Variants in EYS observed in about 807,000 individuals in gnomAD.
The protein encoded by EYS is EGF-like photoreceptor maintenance factor.
In EYS, 250 loss-of-function variants were observed where a neutral mutation model predicts 282.1. The observed-to-expected ratio is 0.89, with a 90% confidence interval of 0.80 to 0.98. EYS has a LOEUF of 0.98. Ranked by LOEUF, EYS falls within the 50% of genes least tolerant of loss-of-function variation. EYS has a pLI of 0.00. For missense variants in EYS, 4,016 were observed against 3,709.0 expected (o/e 1.08, Z -2.15); for synonymous variants, 1,355 against 1,282.9 (o/e 1.06, Z -1.20).
intron 12 of EYS, among the ~76,000 whole-genome samples, chr6:65,241,436 C>T (rs1246775073): frequency 6.6e-6 from 1 of 152,088 alleles, no homozygotes; most frequent in Admixed American, 6.5e-5. Context: ...AGTTTATAAA[C>T]ATTTCAGAGC....
At chr6:64,424,124 A>G (rs1306343748) in intron 28 of EYS, among the ~76,000 whole-genome samples, 1 of 152,218 alleles carries the variant, frequency 6.6e-6, no homozygotes, top group African/African-American at 2.4e-5. Flanking sequence ...TATGATATAA[A>G]GTTTGACTCA....
chr6:64,975,969 TAGAG>T (rs1354805171), intron 14 of EYS, among the ~76,000 whole-genome samples: 4 of 151,912 alleles, frequency 2.6e-5, no homozygotes, highest in African/African-American at 9.7e-5. Flanking sequence ...GTAATATCTA[TAGAG>T]AAATAGCTGC....
In EYS at chr6:64,990,230, C is replaced by G. The variant is rs1325610551; in HGVS notation, c.2259+7352G>C. Among the ~76,000 whole-genome samples, 3 of 151,418 alleles carry G rather than the reference C, an allele frequency of 2.0e-5. No homozygotes were observed. The East Asian group carries it at 5.8e-4, about 29-fold the overall frequency. The stretch of plus-strand genomic sequence containing the variant: ...TGTGATTTTATTTCTCTATGAACCC[C>G]TTAAATGCATGATATGAACACAGTG... On this transcript the variant is annotated intron_variant, in intron 14 of 42. Coordinates refer to ENST00000503581, the MANE Select transcript of EYS (RefSeq NM_001142800.2).
rs143316654 is a variant in EYS at position 64,203,274 on chromosome 6, C to A, written c.6424+27318G>T. Among the ~76,000 whole-genome samples, 734 of 152,314 alleles carry A rather than the reference C, an allele frequency of 4.8e-3. 8 individuals are homozygous for A. Among genetic ancestry groups the A allele is most frequent in the African/African-American group, 0.017 (694 of 41,554 alleles). On this transcript the variant is annotated intron_variant, in intron 31 of 42. Coordinates refer to ENST00000503581, the MANE Select transcript of EYS (RefSeq NM_001142800.2). Reference sequence around the variant, plus strand: ...AGTGTCTGAAAGGGCCTGATTTCAACATTAAATGAAGCTAAAGAGTTCCCA... The same window carrying A: ...AGTGTCTGAAAGGGCCTGATTTCAAAATTAAATGAAGCTAAAGAGTTCCCA...
At chr6:65,084,023 T>G (rs980454420) in intron 12 of EYS, among the ~76,000 whole-genome samples, 5 of 151,914 alleles carry the variant, frequency 3.3e-5, no homozygotes, top group Admixed American at 2.6e-4. Flanking sequence ...ATATTTTCAT[T>G]TCTGAAACTT....
chr6:64,931,598 C>T (rs1227634524), intron 15 of EYS, among the ~76,000 whole-genome samples: 2 of 151,842 alleles, frequency 1.3e-5, no homozygotes, highest in Non-Finnish European at 2.9e-5. Flanking sequence ...TATAAGATGC[C>T]ACACTAATCT....
In EYS at chr6:63,733,564, T is replaced by G. The variant is rs186163990; in HGVS notation, c.8072-6884A>C. On this transcript the variant is annotated intron_variant, in intron 41 of 42. Transcript: ENST00000503581. ...ATTTGGTTTTCTGCTCCTGTATTAATTTGCTTACGATAATGGCCTCCAGCT... is the reference window on the plus strand; with the variant it reads ...ATTTGGTTTTCTGCTCCTGTATTAAGTTGCTTACGATAATGGCCTCCAGCT... Among the ~76,000 whole-genome samples the G allele has an allele frequency of 3.9e-5, 6 of 152,282 alleles. No homozygotes were observed. In the East Asian group the frequency reaches 1.2e-3, roughly 29 times the overall value.
intron 35 of EYS, among the ~76,000 whole-genome samples, chr6:63,920,191 A>C (rs1764531692): frequency 6.6e-6 from 1 of 152,072 alleles, no homozygotes; most frequent in Admixed American, 6.5e-5. Flanking sequence ...TTTAAAGATA[A>C]AGGATATGCA....
At chr6:64,211,565 AT>A (rs1404349333) in intron 31 of EYS, among the ~76,000 whole-genome samples, 1 of 142,614 alleles carries the variant, frequency 7.0e-6, no homozygotes, top group South Asian at 2.2e-4. Context: ...TAATTCATAT[AT>A]ATATATATTT....
At chr6:64,392,578 A>G (rs1429169684) in intron 28 of EYS, among the ~76,000 whole-genome samples, 1 of 151,854 alleles carries the variant, frequency 6.6e-6, no homozygotes, top group South Asian at 2.1e-4. Context: ...TTTGAAACCA[A>G]TGAGAACAAA....
At chr6:65,492,321 G>GGAGA (rs1766077248) in intron 4 of EYS, among the ~76,000 whole-genome samples, 1 of 99,642 alleles carries the variant, frequency 1.0e-5, no homozygotes, top group African/African-American at 4.2e-5. Context: ...GAGAAAGAAA[G>GGAGA]AAGAAAGAAA....
intron 35 of EYS, among the ~76,000 whole-genome samples, chr6:63,972,772 C>T (rs753173376): frequency 3.9e-5 from 6 of 152,022 alleles, no homozygotes; most frequent in Non-Finnish European, 7.4e-5. Flanking sequence ...CTCCCACTTA[C>T]GAGTGAGAAC....
intron 14 of EYS, among the ~76,000 whole-genome samples, chr6:64,980,126 G>A (rs1157319673): frequency 1.3e-5 from 2 of 151,336 alleles, no homozygotes; most frequent in African/African-American, 4.8e-5. Flanking sequence ...TCTGAACTGG[G>A]CAATAATAAA....
chr6:65,382,284 T>C (rs190637002), intron 8 of EYS, among the ~76,000 whole-genome samples: 1 of 151,048 alleles, frequency 6.6e-6, no homozygotes, highest in Non-Finnish European at 1.5e-5. Flanking sequence ...ACTCTCAGGT[T>C]TATGCTTCAT....
At chr6:63,783,755 A>T (rs1582203712) in intron 39 of EYS, among the ~76,000 whole-genome samples, 2 of 152,192 alleles carry the variant, frequency 1.3e-5, no homozygotes, top group East Asian at 1.9e-4. Context: ...TGCTGATTTA[A>T]GCACGGGCCC....
intron 37 of EYS, among the ~76,000 whole-genome samples, chr6:63,804,350 T>G (rs1201025676): frequency 6.6e-6 from 1 of 152,200 alleles, no homozygotes; most frequent in African/African-American, 2.4e-5. Context: ...TCCCATGTAT[T>G]AAGTTCGTTA....
chr6:64,104,964 T>C (rs946942707), intron 31 of EYS, among the ~76,000 whole-genome samples: 4 of 151,864 alleles, frequency 2.6e-5, no homozygotes, highest in Admixed American at 1.3e-4. Flanking sequence ...AGCATCATAT[T>C]CAGTTCAACC....
At chr6:63,871,056 A>G (rs935513716) in intron 35 of EYS, among the ~76,000 whole-genome samples, 2 of 152,052 alleles carry the variant, frequency 1.3e-5, no homozygotes, top group Non-Finnish European at 2.9e-5. Context: ...CTTCCACATT[A>G]TCTCTTCCAG....
At chr6:65,443,457 T>A (rs973536538) in intron 5 of EYS, among the ~76,000 whole-genome samples, 2 of 146,766 alleles carry the variant, frequency 1.4e-5, no homozygotes, top group Non-Finnish European at 3.1e-5. Context: ...TATGTACATA[T>A]ACGCCATACA....
Sources: allele counts gnomAD v4.1 joint callset (sites outside exome capture counted in the v4.1 genomes callset), GRCh38; gene constraint gnomAD v4.1.1; transcripts MANE v1.5; gene names NCBI Gene and HGNC (gene_info 2026-07-23, HGNC 2026-07-21).